Variants in DAB1 observed in about 807,000 individuals in gnomAD.
DAB1 encodes the protein DAB adaptor protein 1.
Under a neutral mutation model 64.6 loss-of-function variants are expected in DAB1, and 15 were observed. The ratio of observed to expected loss-of-function variants is 0.23; its 90% confidence interval spans 0.16 to 0.36. The LOEUF (loss-of-function observed/expected upper bound fraction) is 0.36. DAB1 is among the 10% of genes least tolerant of loss of function. The probability of loss-of-function intolerance (pLI) is 1.00; values close to 1 mark genes in which losing one functional copy is unlikely to be tolerated. For missense variants in DAB1, 596 were observed against 706.7 expected (o/e 0.84, Z 1.78); for synonymous variants, 235 against 251.9 (o/e 0.93, Z 0.64).
intron 6 of DAB1, among the ~76,000 whole-genome samples, chr1:57,758,397 T>G (rs1182997750): frequency 6.6e-6 from 1 of 152,186 alleles, no homozygotes; most frequent in East Asian, 1.9e-4. Context: ...AGGGCCTAAC[T>G]TGGGGAAAAG....
intron 5 of DAB1, among the ~76,000 whole-genome samples, chr1:58,099,164 C>T (rs1241342613): frequency 1.3e-5 from 2 of 152,200 alleles, no homozygotes; most frequent in Non-Finnish European, 2.9e-5. Context: ...ACTATAGTTC[C>T]CATGCTGGCT....
At chr1:57,179,041 G>A (rs952227511) in intron 2 of DAB1, among the ~76,000 whole-genome samples, 1 of 152,124 alleles carries the variant, frequency 6.6e-6, no homozygotes, top group Admixed American at 6.5e-5. Flanking sequence ...GACTCTCAGG[G>A]AATCCACTAC....
intron 2 of DAB1, among the ~76,000 whole-genome samples, chr1:57,247,730 A>G (rs752582077): frequency 2.6e-5 from 4 of 152,210 alleles, no homozygotes; most frequent in Non-Finnish European, 5.9e-5. Context: ...TCTAGCCCAC[A>G]TAATATAAGT....
intron 4 of DAB1, among the ~76,000 whole-genome samples, chr1:57,133,395 G>A (rs1657799479): frequency 6.6e-6 from 1 of 152,174 alleles, no homozygotes. Flanking sequence ...CAACAGTCAG[G>A]TCAGGGACAC....
At chr1:57,031,809 A>G (rs1214322341) in intron 9 of DAB1, among the ~76,000 whole-genome samples, 1 of 152,220 alleles carries the variant, frequency 6.6e-6, no homozygotes, top group Non-Finnish European at 1.5e-5. Flanking sequence ...TATTTGCCAG[A>G]GAGTAAGGCC....
intron 1 of DAB1, among the ~76,000 whole-genome samples, chr1:57,293,514 G>T (rs1455968245): frequency 6.6e-6 from 1 of 152,102 alleles, no homozygotes; most frequent in Admixed American, 6.5e-5. Flanking sequence ...TGTCTGGCAT[G>T]CCTCCTGGTA....
chr1:57,150,383 T>C (rs1659543963), intron 2 of DAB1, among the ~76,000 whole-genome samples: 1 of 152,204 alleles, frequency 6.6e-6, no homozygotes, highest in Non-Finnish European at 1.5e-5. Context: ...TATTCCAGTT[T>C]GGTTAAGAGA....
intron 14 of DAB1, among the ~76,000 whole-genome samples, chr1:57,005,127 G>A (rs952363287): frequency 6.6e-6 from 1 of 152,154 alleles, no homozygotes; most frequent in Non-Finnish European, 1.5e-5. Context: ...TGTTCCTGGG[G>A]TCTTGGGTGC....
chr1:58,447,040 G>A (rs1190123072), intron 3 of DAB1, among the ~76,000 whole-genome samples: 1 of 152,190 alleles, frequency 6.6e-6, no homozygotes, highest in Non-Finnish European at 1.5e-5. Context: ...GATGGTGTTG[G>A]TGGCAAAATT....
chr1:57,142,598 T>TCACACACA (rs149545090), intron 3 of DAB1, among the ~76,000 whole-genome samples: 3,257 of 142,764 alleles, frequency 0.023, 49 homozygotes, highest in Middle Eastern at 0.046. Context: ...TCACTGCAGG[T>TCACACACA]CACACACACA....
chr1:57,478,613 GAC>G (rs1361055722), intron 7 of DAB1, among the ~76,000 whole-genome samples: 2 of 74,064 alleles, frequency 2.7e-5, no homozygotes, highest in Non-Finnish European at 5.2e-5. Context: ...TTTTTTTTGA[GAC>G]AGAGTCTCAC....
chr1:58,445,372 T>A (rs1323020995), intron 3 of DAB1, among the ~76,000 whole-genome samples: 1 of 152,144 alleles, frequency 6.6e-6, no homozygotes, highest in Non-Finnish European at 1.5e-5. Flanking sequence ...CCCCAGAAGA[T>A]CATGAGACTC....
At chr1:58,132,486 CG>C (rs1400304280) in intron 5 of DAB1, among the ~76,000 whole-genome samples, 1 of 152,110 alleles carries the variant, frequency 6.6e-6, no homozygotes, top group Non-Finnish European at 1.5e-5. Context: ...CTCCTCCCCC[CG>C]GGGCCAATCT....
At chr1:57,795,889 A>T (rs1650836018) in intron 6 of DAB1, among the ~76,000 whole-genome samples, 1 of 151,346 alleles carries the variant, frequency 6.6e-6, no homozygotes, top group African/African-American at 2.4e-5. Context: ...TGGGAAAAAT[A>T]ACTCATGTCC....
At chr1:57,156,204 T>C (rs1660208849) in intron 2 of DAB1, among the ~76,000 whole-genome samples, 1 of 152,092 alleles carries the variant, frequency 6.6e-6, no homozygotes, top group Non-Finnish European at 1.5e-5. Flanking sequence ...ACACCAAGTG[T>C]CATCTCATCA....
At chr1:57,686,345 C>T (rs879549571) in intron 6 of DAB1, among the ~76,000 whole-genome samples, 1 of 152,076 alleles carries the variant, frequency 6.6e-6, no homozygotes, top group Non-Finnish European at 1.5e-5. Flanking sequence ...AAGATTGAAC[C>T]AGGAAGAATG....
intron 5 of DAB1, among the ~76,000 whole-genome samples, chr1:57,925,655 G>A (rs1046562349): frequency 1.3e-5 from 2 of 152,160 alleles, no homozygotes; most frequent in Non-Finnish European, 2.9e-5. Flanking sequence ...GTCCAATTCT[G>A]TCATTTTCCA....
intron 5 of DAB1, among the ~76,000 whole-genome samples, chr1:57,911,262 A>AT (rs1205510944): frequency 6.6e-6 from 1 of 152,208 alleles, no homozygotes; most frequent in Non-Finnish European, 1.5e-5. Context: ...TGTGCTGGCC[A>AT]TCTGCCTGTT....
At chr1:57,911,324 A>G (rs1644640477) in intron 5 of DAB1, among the ~76,000 whole-genome samples, 1 of 152,104 alleles carries the variant, frequency 6.6e-6, no homozygotes, top group South Asian at 2.1e-4. Context: ...CAAAATCTGC[A>G]TTTCCCATAT....
Sources: gnomAD v4.1 joint callset for allele counts (sites outside exome capture counted in the v4.1 genomes callset) on GRCh38, gnomAD v4.1.1 for gene constraint, MANE v1.5 for transcripts, NCBI Gene and HGNC (gene_info 2026-07-23, HGNC 2026-07-21) for gene names.